Variants in HEPHL1 observed in about 807,000 individuals in gnomAD.
HEPHL1 encodes ferroxidase HEPHL1.
In HEPHL1, 123 loss-of-function variants were observed where a neutral mutation model predicts 122.0. That is an observed-to-expected ratio of 1.01 (90% CI 0.87 to 1.17). The LOEUF (loss-of-function observed/expected upper bound fraction) is 1.17. HEPHL1 is among the 50% of genes most tolerant of loss of function. The pLI is 0.00. For synonymous variants in HEPHL1, 527 were observed against 508.9 expected (o/e 1.04, Z -0.48); for missense variants, 1,452 against 1,430.5 (o/e 1.01, Z -0.24).
chr11:94,044,624 C>T (rs1945816746), intron 1 of HEPHL1, among the ~76,000 whole-genome samples: 1 of 152,166 alleles, frequency 6.6e-6, no homozygotes, highest in South Asian at 2.1e-4. Context: ...ATTCCATCTG[C>T]ACTGCTTCCT....
intron 1 of HEPHL1, 92 bp downstream of exon 1, chr11:94,021,630 G>A (rs926677493): frequency 9.1e-6 from 9 of 986,356 alleles, no homozygotes; most frequent in African/African-American, 1.6e-5. Context: ...ACTTACAATG[G>A]GGGTGAGTTG....
intron 3 of HEPHL1, 66 bp from the exon 4 acceptor site, chr11:94,064,265 T>C: frequency 3.1e-6 from 4 of 1,274,844 alleles, no homozygotes; most frequent in Non-Finnish European, 2.2e-6. Flanking sequence ...CCTGACACTA[T>C]TGGAAGGAAG....
chr11:94,065,398 A>C (rs1387801447), intron 4 of HEPHL1, among the ~76,000 whole-genome samples: 1 of 152,228 alleles, frequency 6.6e-6, no homozygotes, highest in African/African-American at 2.4e-5. Context: ...CCTAAGGTCA[A>C]AGTGATAATT....
At chr11:94,053,004 T>C (rs1232140576) in intron 2 of HEPHL1, among the ~76,000 whole-genome samples, 1 of 152,116 alleles carries the variant, frequency 6.6e-6, no homozygotes, top group Non-Finnish European at 1.5e-5. Context: ...TTGGAAAGTC[T>C]CCACTCTTCT....
At chr11:94,106,980 G>A (rs760413332) in intron 17 of HEPHL1, among the ~76,000 whole-genome samples, 11 of 152,176 alleles carry the variant, frequency 7.2e-5, no homozygotes, top group Non-Finnish European at 1.0e-4. Context: ...GGTGCTCACT[G>A]TACAGCAGAG....
At chr11:94,082,208 G>A (rs144512317) in intron 9 of HEPHL1, among the ~76,000 whole-genome samples, 314 of 152,294 alleles carry the variant, frequency 2.1e-3, no homozygotes, top group South Asian at 4.8e-3. Flanking sequence ...CTTGGAGGAC[G>A]GATGTAACAA....
intron 2 of HEPHL1, among the ~76,000 whole-genome samples, chr11:94,047,947 TAC>T (rs1056218449): frequency 2.2e-4 from 33 of 152,312 alleles, no homozygotes; most frequent in African/African-American, 7.5e-4. Flanking sequence ...CACAAGGTTG[TAC>T]AATCATCACC....
At chr11:94,032,721 A>T (rs1169475505) in intron 1 of HEPHL1, among the ~76,000 whole-genome samples, 1 of 152,150 alleles carries the variant, frequency 6.6e-6, no homozygotes, top group Non-Finnish European at 1.5e-5. Flanking sequence ...TAAAGTAATA[A>T]TTGGTCACAG....
rs150966635 is a variant in HEPHL1, at chr11:94,023,863, C to T, written c.170+2325C>T. Among the ~76,000 whole-genome samples the T allele has an allele frequency of 3.2e-4, 49 of 152,276 alleles. No individual in the cohort carries two copies. In the East Asian group the frequency reaches 6.2e-3, roughly 19 times the overall value. On this transcript the variant is annotated intron_variant, in intron 1 of 19. Coordinates refer to ENST00000315765, the MANE Select transcript of HEPHL1 (RefSeq NM_001098672.2). ...GTTTTTATCAGTGATCCCATCAGTG[C>T]TAGTAGTTGTGGTAGGTGGCTCAGA...
At chr11:94,046,875 C>T (rs1382162699) in intron 2 of HEPHL1, among the ~76,000 whole-genome samples, 3 of 152,098 alleles carry the variant, frequency 2.0e-5, no homozygotes, top group Non-Finnish European at 4.4e-5. Context: ...GCTGTACCTG[C>T]TAGGTGACTG....
Position 94,109,258 on chromosome 11 carries a change from T to C in HEPHL1, c.3046-1645T>C, listed in dbSNP as rs542811567. 3.2e-4 allele frequency among the ~76,000 whole-genome samples: 49 copies of C among 152,278 alleles called. 1 individual carries two copies. The highest frequency in any genetic ancestry group is 3.4e-3 in the Middle Eastern group (1 of 294). On this transcript the variant is annotated intron_variant, in intron 17 of 19. Coordinates refer to ENST00000315765, the MANE Select transcript of HEPHL1 (RefSeq NM_001098672.2). The stretch of plus-strand genomic sequence containing the variant: ...CACTTTAGTTCCAATAGTTTTCCTA[T>C]AGATTTTAGGGGGATTTTCTATGCA...
rs1355117541 is a variant in HEPHL1, at chr11:94,067,183, T to C, written c.809-313T>C. Among the ~76,000 whole-genome samples, 3 of 152,166 alleles carry C rather than the reference T, an allele frequency of 2.0e-5. 1 individual carries two copies. The highest frequency in any genetic ancestry group is 1.3e-4 in the Admixed American group (2 of 15,268). ...GATTATGACAGAAGGTGACTGAGCC[T>C]CCTGTAAATATGAGCAGCACTCTGT... On this transcript the variant is annotated intron_variant, in intron 4 of 19. Transcript: ENST00000315765.
At chr11:94,047,086 C>A (rs961757949) in intron 2 of HEPHL1, among the ~76,000 whole-genome samples, 1 of 152,208 alleles carries the variant, frequency 6.6e-6, no homozygotes, top group African/African-American at 2.4e-5. Flanking sequence ...GTTCTGGGCT[C>A]TTTTCCTCCA....
At chr11:94,102,042 C>A (rs1282916332) in intron 14 of HEPHL1, among the ~76,000 whole-genome samples, 4 of 151,998 alleles carry the variant, frequency 2.6e-5, no homozygotes, top group Admixed American at 6.6e-5. Context: ...CTTACTGTGC[C>A]TAATTTATAA....
intron 4 of HEPHL1, among the ~76,000 whole-genome samples, chr11:94,066,448 G>A (rs995632750): frequency 3.3e-5 from 5 of 151,970 alleles, no homozygotes; most frequent in African/African-American, 1.2e-4. Context: ...CAGCTACTGG[G>A]GAGGCTGAGG....
chr11:94,079,243 T>C (rs1009840387), intron 9 of HEPHL1, among the ~76,000 whole-genome samples: 1 of 152,154 alleles, frequency 6.6e-6, no homozygotes, highest in African/African-American at 2.4e-5. Context: ...AATTAGGGCT[T>C]AGAGAGGATA....
At chr11:94,090,955 G>A (rs1223141905) in intron 12 of HEPHL1, among the ~76,000 whole-genome samples, 1 of 152,154 alleles carries the variant, frequency 6.6e-6, no homozygotes, top group Non-Finnish European at 1.5e-5. Flanking sequence ...GGGACCATCG[G>A]TACAATGTCC....
rs576687374 is a variant in HEPHL1 at position 94,056,289 on chromosome 11, T to C, written c.416-7219T>C. Among the ~76,000 whole-genome samples the C allele has an allele frequency of 3.3e-5, 5 of 152,286 alleles. No homozygotes were observed. In the East Asian group the frequency reaches 9.7e-4, roughly 29 times the overall value. ...CAGCATATAATAGAATTTTGCTTTT[T>C]TTCCCCCAGTTTGACAATCTCTACA... On this transcript the variant is annotated intron_variant, in intron 2 of 19. Transcript: ENST00000315765.
intron 1 of HEPHL1, among the ~76,000 whole-genome samples, chr11:94,027,664 T>G (rs892653371): frequency 1.3e-5 from 2 of 152,248 alleles, no homozygotes; most frequent in African/African-American, 4.8e-5. Flanking sequence ...AGGTTAAGTC[T>G]CTTCCCCATT....
Sources: gnomAD v4.1 joint callset for allele counts (sites outside exome capture counted in the v4.1 genomes callset) on GRCh38, gnomAD v4.1.1 for gene constraint, MANE v1.5 for transcripts, NCBI Gene and HGNC (gene_info 2026-07-23, HGNC 2026-07-21) for gene names.